The following CRPPA variants were observed in gnomAD, a reference collection of about 807,000 sequenced individuals.
CRPPA encodes the protein CDP-L-ribitol pyrophosphorylase A, also known as D-ribitol-5-phosphate cytidylyltransferase.
CRPPA carries 43 observed loss-of-function variants against 52.0 expected under a neutral mutation model. The observed-to-expected ratio is 0.83, with a 90% CI of 0.65 to 1.07. The LOEUF is 1.07. CRPPA is among the 50% of genes least tolerant of loss of function. The pLI is 0.00. For missense variants in CRPPA, 629 were observed against 551.7 expected (o/e 1.14, Z -1.40); for synonymous variants, 250 against 203.5 (o/e 1.23, Z -1.94).
At chr7:16,355,043 G>C (rs1453855611) in intron 3 of CRPPA, among the ~76,000 whole-genome samples, 2 of 151,952 alleles carry the variant, frequency 1.3e-5, no homozygotes, top group East Asian at 3.9e-4. Context: ...TAATCAAAAA[G>C]ATATTTACAT....
chr7:16,159,806 C>A (rs530910142), intron 9 of CRPPA, among the ~76,000 whole-genome samples: 2 of 152,304 alleles, frequency 1.3e-5, no homozygotes, highest in South Asian at 4.1e-4. Flanking sequence ...AATGGTTGAA[C>A]TAACTTACAC....
At chr7:16,386,089 T>C (rs1365209000) in intron 2 of CRPPA, among the ~76,000 whole-genome samples, 1 of 152,108 alleles carries the variant, frequency 6.6e-6, no homozygotes, top group African/African-American at 2.4e-5. Context: ...TACATGAATT[T>C]GAACGTTGGT....
chr7:16,189,764 T>C (rs897674716), intron 9 of CRPPA, among the ~76,000 whole-genome samples: 8 of 152,188 alleles, frequency 5.3e-5, no homozygotes, highest in African/African-American at 1.9e-4. Context: ...CACAGAGGAA[T>C]AGTTCTTCTG....
At chr7:16,116,675 A>AAAAGAAAGGGAAGGGAAG (rs6150004) in intron 9 of CRPPA, among the ~76,000 whole-genome samples, 1 of 96,620 alleles carries the variant, frequency 1.0e-5, no homozygotes, top group Non-Finnish European at 2.1e-5. Context: ...AAAAAAAAAA[A>AAAAGAAAGGGAAGGGAAG]GGAAAGGAAA....
chr7:16,304,666 T>G (rs949205371), intron 4 of CRPPA, among the ~76,000 whole-genome samples: 7 of 151,884 alleles, frequency 4.6e-5, no homozygotes, highest in African/African-American at 1.7e-4. Context: ...TTAAAGAAAA[T>G]AAAATACAAA....
chr7:16,110,036 T>C (rs1447205377), intron 9 of CRPPA, among the ~76,000 whole-genome samples: 1 of 151,946 alleles, frequency 6.6e-6, no homozygotes, highest in Non-Finnish European at 1.5e-5. Context: ...TGATCTTATA[T>C]ATATATAGAA....
intron 2 of CRPPA, among the ~76,000 whole-genome samples, 196 bp from the exon 3 acceptor site, chr7:16,376,437 C>G (rs1213063092): frequency 6.6e-6 from 1 of 151,932 alleles, no homozygotes; most frequent in Non-Finnish European, 1.5e-5. Context: ...TATTACAGTT[C>G]CATACATTAA....
At chr7:16,091,853 TAAGTTTGATAAAAAGCCAC>T in intron 9 of CRPPA, 54 bp from the exon 10 acceptor site, 1 of 1,087,812 alleles carries the variant, frequency 9.2e-7, no homozygotes, top group Non-Finnish European at 1.3e-6. Context: ...TGCCATGTGT[TAAGTTTGATAAAAAGCCAC>T]TTTTCAAGAT....
At chr7:16,181,752 T>C in intron 9 of CRPPA, among the ~76,000 whole-genome samples, 1 of 152,006 alleles carries the variant, frequency 6.6e-6, no homozygotes, top group East Asian at 1.9e-4. Context: ...TCTCTCCACA[T>C]ATATAACAGC....
chr7:16,131,627 G>A (rs1006317808), intron 9 of CRPPA, among the ~76,000 whole-genome samples: 1 of 152,100 alleles, frequency 6.6e-6, no homozygotes, highest in Non-Finnish European at 1.5e-5. Context: ...TTATCCCCTA[G>A]GTTGGAGTGC....
intron 9 of CRPPA, among the ~76,000 whole-genome samples, chr7:16,161,520 C>T (rs1208931627): frequency 3.3e-5 from 5 of 152,164 alleles, no homozygotes; most frequent in Admixed American, 2.6e-4. Context: ...AGCTTTGTAT[C>T]CCAGGGATGA....
chr7:16,195,930 C>T (rs560366717), intron 9 of CRPPA, among the ~76,000 whole-genome samples: 2 of 152,122 alleles, frequency 1.3e-5, no homozygotes, highest in African/African-American at 2.4e-5. Flanking sequence ...TTCCCCACAG[C>T]ATCCCATCCC....
chr7:16,398,614 C>A (rs368586148), intron 2 of CRPPA, among the ~76,000 whole-genome samples: 3 of 152,092 alleles, frequency 2.0e-5, no homozygotes, highest in Admixed American at 1.3e-4. Flanking sequence ...ATGATTGACA[C>A]ATCACCAACA....
chr7:16,278,094 T>A (rs370448774), intron 6 of CRPPA, 35 bp downstream of exon 6: 116 of 1,122,224 alleles, frequency 1.0e-4, no homozygotes, highest in Admixed American at 4.3e-5. Flanking sequence ...TTTTTGGCAA[T>A]CAAAGTTTAT....
intron 8 of CRPPA, among the ~76,000 whole-genome samples, chr7:16,218,979 C>T (rs1583440083): frequency 6.6e-6 from 1 of 152,188 alleles, no homozygotes. Flanking sequence ...CCCAAATCAA[C>T]AGAATATACA....
intron 5 of CRPPA, among the ~76,000 whole-genome samples, chr7:16,284,016 C>G (rs546100671): frequency 9.2e-5 from 14 of 152,100 alleles, no homozygotes; most frequent in African/African-American, 3.1e-4. Flanking sequence ...CAGCACTTTG[C>G]ATATGTGAAA....
At chr7:16,220,428 T>C (rs1430706284) in intron 8 of CRPPA, among the ~76,000 whole-genome samples, 2 of 62,880 alleles carry the variant, frequency 3.2e-5, no homozygotes, top group African/African-American at 6.9e-5. Context: ...AACATAGTGT[T>C]GGAAGTTCTG....
At chr7:16,230,063 G>C (rs1782752651) in intron 8 of CRPPA, among the ~76,000 whole-genome samples, 1 of 151,872 alleles carries the variant, frequency 6.6e-6, no homozygotes, top group Non-Finnish European at 1.5e-5. Context: ...CTGCTTTCAG[G>C]ATCTTCTTAG....
chr7:16,107,341 AAAAT>A (rs1205490908), intron 9 of CRPPA, among the ~76,000 whole-genome samples: 1 of 152,192 alleles, frequency 6.6e-6, no homozygotes, highest in East Asian at 1.9e-4. Flanking sequence ...TCAAAATCAA[AAAAT>A]AAATAAAATT....
Sources: allele counts gnomAD v4.1 joint callset (sites outside exome capture counted in the v4.1 genomes callset), GRCh38; gene constraint gnomAD v4.1.1; transcripts MANE v1.5; gene names NCBI Gene and HGNC (gene_info 2026-07-23, HGNC 2026-07-21).